The following ASIP variants were observed in gnomAD, a reference collection of about 807,000 sequenced individuals.
ASIP encodes the protein agouti signaling protein, also known as agouti-signaling protein.
In ASIP, 11 loss-of-function variants were observed where a neutral mutation model predicts 10.3. The observed-to-expected ratio is 1.07, with a 90% CI of 0.68 to 1.78. The LOEUF is 1.78. ASIP is among the 40% of genes most tolerant of loss of function. ASIP has a pLI of 0.00. For synonymous variants in ASIP, 70 were observed against 70.8 expected (o/e 0.99, Z 0.06); for missense variants, 180 against 169.2 (o/e 1.06, Z -0.35).
chr20:34,214,310 C>T (rs956776089), intron 1 of ASIP: 26 of 1,349,794 alleles, frequency 1.9e-5, no homozygotes, highest in Non-Finnish European at 2.3e-5. Context: ...ATGGAACGTG[C>T]TGAGGTTCAA....
chr20:34,266,694 C>CA (rs1307632650), intron 3 of ASIP, among the ~76,000 whole-genome samples: 4 of 151,988 alleles, frequency 2.6e-5, no homozygotes, highest in Non-Finnish European at 4.4e-5. Flanking sequence ...AACAAACAAA[C>CA]AAAAAAGGCA....
chr20:34,263,669 T>A (rs946216410), intron 3 of ASIP, among the ~76,000 whole-genome samples: 1 of 151,452 alleles, frequency 6.6e-6, no homozygotes, highest in Non-Finnish European at 1.5e-5. Context: ...GTCTTTTTTT[T>A]TTTTTCTTTT....
At chr20:34,234,436 C>T (rs1437747576) in intron 1 of ASIP, among the ~76,000 whole-genome samples, 4 of 152,188 alleles carry the variant, frequency 2.6e-5, no homozygotes, top group Non-Finnish European at 5.9e-5. Context: ...GTGGTTGAGG[C>T]CAGGCATCCA....
intron 1 of ASIP, among the ~76,000 whole-genome samples, chr20:34,223,646 C>T (rs1469042465): frequency 2.7e-5 from 4 of 145,698 alleles, no homozygotes; most frequent in Admixed American, 2.7e-4. Context: ...AGGTGAGGGG[C>T]GCCTCTGCCC....
chr20:34,266,910 A>C (rs76174410), intron 3 of ASIP, among the ~76,000 whole-genome samples: 9 of 152,316 alleles, frequency 5.9e-5, no homozygotes, highest in African/African-American at 2.2e-4. Flanking sequence ...TGCACACCTT[A>C]TTCCTGTCTT....
intron 1 of ASIP, among the ~76,000 whole-genome samples, chr20:34,196,088 C>A (rs1040605570): frequency 2.0e-5 from 3 of 151,928 alleles, no homozygotes; most frequent in African/African-American, 7.3e-5. Flanking sequence ...CCATTACAGT[C>A]CGGCACGGAG....
At chr20:34,241,663 A>C (rs1435873141) in intron 1 of ASIP, among the ~76,000 whole-genome samples, 174 bp downstream of exon 1, 1 of 152,174 alleles carries the variant, frequency 6.6e-6, no homozygotes, top group Non-Finnish European at 1.5e-5. Flanking sequence ...AAAGCAGTTG[A>C]TCTTTTGCTA....
upstream of ASIP, among the ~76,000 whole-genome samples, chr20:34,241,083 T>C (rs1315635253): frequency 5.9e-5 from 9 of 152,320 alleles, no homozygotes; most frequent in Non-Finnish European, 1.2e-4. Context: ...GAGGGGCTAA[T>C]AGAGGCACAG....
chr20:34,267,375 A>G, intron 3 of ASIP, among the ~76,000 whole-genome samples: 1 of 151,100 alleles, frequency 6.6e-6, no homozygotes. Context: ...AGCGTCCAAT[A>G]GAAATACAAT....
chr20:34,201,044 CTTT>C (rs2034894802), intron 1 of ASIP, among the ~76,000 whole-genome samples: 3 of 106,928 alleles, frequency 2.8e-5, no homozygotes, highest in African/African-American at 1.2e-4. Context: ...TTCTTTCTTT[CTTT>C]CTTTCTTTCT....
chr20:34,204,589 A>G (rs937229504), intron 1 of ASIP, among the ~76,000 whole-genome samples: 16 of 152,194 alleles, frequency 1.1e-4, no homozygotes, highest in Non-Finnish European at 2.2e-4. Context: ...AATAAAAGTG[A>G]AAATAGCAGG....
At chr20:34,206,597 G>T (rs1450789811) in intron 1 of ASIP, among the ~76,000 whole-genome samples, 1 of 151,360 alleles carries the variant, frequency 6.6e-6, no homozygotes, top group Non-Finnish European at 1.5e-5. Context: ...TTTGTTTTTT[G>T]AGACAAAGTC....
rs1220802878 is a variant in ASIP, at chr20:34,230,743, G to A, written c.-10-29622G>A. On this transcript the variant is annotated intron_variant, in intron 1 of 3. Transcript: ENST00000568305. ...GGGCTGACCCCCCCACCTCCCTCCC[G>A]GATGGGGCGGCTGGCCTGGCCGGGG... 3.0e-4 allele frequency among the ~76,000 whole-genome samples: 13 copies of A among 43,116 alleles called. 3 individuals carry two copies. The highest frequency in any genetic ancestry group is 1.2e-3 in the South Asian group (2 of 1,636). The allele number at this position is 43,116 out of a possible 152,430, so 28.3% of individuals were successfully genotyped here.
chr20:34,262,869 A>C lies in ASIP; in HGVS notation c.198A>C (p.Ala66=). The C allele has an allele frequency of 6.2e-7, 1 of 1,614,100 alleles. No individual in the cohort carries two copies. The highest frequency in any genetic ancestry group is 8.5e-7 in the Non-Finnish European group (1 of 1,179,954). Residue 66 remains alanine (A), a synonymous_variant, in exon 3 of 4, where the codon GCA becomes GCC. Transcript: ENST00000374954. ...AATCCAAACAGATCGGCAGAAAAGC[A>C]GCAGAAAAGAAAAGATCTTCTAAGG... ...NKKSKQIGRK[A]AEKKRSSKKE...
At chr20:34,214,067 C>A in intron 1 of ASIP, 1 of 1,242,652 alleles carries the variant, frequency 8.0e-7, no homozygotes, top group Non-Finnish European at 1.2e-6. Flanking sequence ...ATCATCACTC[C>A]AACTGTCTCA....
In ASIP at chr20:34,268,732, T is replaced by TA. The variant is rs72554668; in HGVS notation, c.223-249dup. Among the ~76,000 whole-genome samples the TA allele has an allele frequency of 7.6e-4, 104 of 137,552 alleles. 2 individuals carry two copies. Among genetic ancestry groups the TA allele is most frequent in the Middle Eastern group, 7.2e-3 (2 of 278 alleles). 90.2% of individuals were successfully genotyped at this position (137,552 alleles called of 152,430 possible). On this transcript the variant is annotated intron_variant, in intron 3 of 3. Transcript: ENST00000374954. The stretch of plus-strand genomic sequence containing the variant: ...CTGGCTGACAGAGTGAAACCCTGTC[T>TA]AAAAAAAAAACAAAAAACAAACAAA...
At chr20:34,247,120 G>A (rs2035389802) in intron 1 of ASIP, among the ~76,000 whole-genome samples, 1 of 151,920 alleles carries the variant, frequency 6.6e-6, no homozygotes, top group Non-Finnish European at 1.5e-5. Flanking sequence ...ATGCTTTCAA[G>A]TAGCTGGGAC....
chr20:34,188,622 G>A, the ASIP span, among the ~76,000 whole-genome samples: 4 of 151,922 alleles, frequency 2.6e-5, no homozygotes, highest in Non-Finnish European at 5.9e-5. Flanking sequence ...TTTTTTCTAG[G>A]ATTATATTCT....
intron 1 of ASIP, among the ~76,000 whole-genome samples, chr20:34,207,884 G>T (rs973960114): frequency 9.9e-5 from 15 of 151,988 alleles, no homozygotes; most frequent in African/African-American, 3.4e-4. Context: ...CCGCCTTCCA[G>T]GTTCATGCCA....
Sources: gnomAD v4.1 joint callset for allele counts (sites outside exome capture counted in the v4.1 genomes callset) on GRCh38, gnomAD v4.1.1 for gene constraint, MANE v1.5 for transcripts, NCBI Gene and HGNC (gene_info 2026-07-23, HGNC 2026-07-21) for gene names.